The following LY96 variants were observed in gnomAD, a reference collection of about 807,000 sequenced individuals.
The protein encoded by LY96 is lymphocyte antigen 96.
In LY96, 18 loss-of-function variants were observed where a neutral mutation model predicts 18.9. The observed-to-expected ratio is 0.95, with a 90% CI of 0.66 to 1.41. The LOEUF (loss-of-function observed/expected upper bound fraction) is 1.41, where lower values mean the gene tolerates loss of function less well. Ranked by LOEUF, LY96 falls within the 40% of genes most tolerant of loss-of-function variation. The pLI, the probability that LY96 is intolerant of heterozygous loss-of-function variation, is 0.00. For missense variants in LY96, 175 were observed against 182.4 expected, an observed-to-expected ratio of 0.96 and a Z score of 0.23; for synonymous variants, 66 against 62.6, an observed-to-expected ratio of 1.06 and a Z score of -0.26.
chr8:74,071,353 G>A, the LY96 span, among the ~76,000 whole-genome samples: 1 of 151,472 alleles, frequency 6.6e-6, no homozygotes, highest in African/African-American at 2.4e-5. Flanking sequence ...GTTCCAAATA[G>A]TTCTTCTTCT....
At chr8:74,081,066 TACTTTCTTTCTTC>T in the LY96 span, among the ~76,000 whole-genome samples, 1 of 119,628 alleles carries the variant, frequency 8.4e-6, no homozygotes, top group African/African-American at 4.3e-5. Flanking sequence ...CTTTCTTTCT[TACTTTCTTTCTTC>T]TCTTTCTCTC....
the LY96 span, among the ~76,000 whole-genome samples, chr8:74,076,616 C>T: frequency 6.6e-6 from 1 of 151,836 alleles, no homozygotes; most frequent in Non-Finnish European, 1.5e-5. Flanking sequence ...TAAGTCACTG[C>T]GCCCACCCCG....
intron 2 of LY96, among the ~76,000 whole-genome samples, chr8:74,007,836 T>A (rs534329558): frequency 6.6e-6 from 1 of 152,350 alleles, no homozygotes; most frequent in East Asian, 1.9e-4. Flanking sequence ...CTCGGCGCAC[T>A]GCAGCCTTTG....
chr8:74,026,888 A>G, intron 4 of LY96, 47 bp downstream of exon 4: 2 of 935,442 alleles, frequency 2.1e-6, no homozygotes, highest in Non-Finnish European at 3.5e-6. Context: ...TAGCAGTAAT[A>G]GACATGTTAA....
rs1240726868 is a variant in LY96, at chr8:74,007,869, C to G, written c.203-2132C>G. 2.1e-4 allele frequency among the ~76,000 whole-genome samples: 32 copies of G among 152,194 alleles called. 1 individual carries two copies. The highest frequency in any genetic ancestry group is 1.9e-3 in the Admixed American group (29 of 15,286). On this transcript the variant is annotated intron_variant, in intron 2 of 4. Coordinates refer to ENST00000284818, the MANE Select transcript of LY96 (RefSeq NM_015364.5). ...TTGCCTCCTGGGTTCCAACGATTCT[C>G]CTGCCTCAGCACCCCTGGTAGCTGG...
chr8:74,034,979 T>G, the LY96 span, among the ~76,000 whole-genome samples: 3 of 152,196 alleles, frequency 2.0e-5, no homozygotes, highest in Non-Finnish European at 2.9e-5. Context: ...AGGAAGATAA[T>G]TACTGACAGG....
At chr8:74,003,634 G>A (rs1203764697) in intron 1 of LY96, among the ~76,000 whole-genome samples, 2 of 152,152 alleles carry the variant, frequency 1.3e-5, no homozygotes, top group South Asian at 2.1e-4. Context: ...ACAAGAATCT[G>A]TAAACTCATA....
the LY96 span, among the ~76,000 whole-genome samples, chr8:74,082,488 T>C: frequency 6.6e-6 from 1 of 152,208 alleles, no homozygotes; most frequent in African/African-American, 2.4e-5. Flanking sequence ...TTTGAAGTTA[T>C]TTAAACACTT....
chr8:73,998,024 C>T (rs993046742), intron 1 of LY96, among the ~76,000 whole-genome samples: 20 of 152,274 alleles, frequency 1.3e-4, no homozygotes, highest in African/African-American at 4.6e-4. Context: ...TGTAGCCCTT[C>T]TCCCCTTCCT....
At chr8:74,024,986 C>CTGG (rs1816839667) in intron 3 of LY96, among the ~76,000 whole-genome samples, 2 of 152,068 alleles carry the variant, frequency 1.3e-5, no homozygotes, top group African/African-American at 2.4e-5. Context: ...TGCACCACAC[C>CTGG]CATCTTTCTT....
At chr8:74,004,349 A>G (rs1389944476) in intron 1 of LY96, among the ~76,000 whole-genome samples, 3 of 152,150 alleles carry the variant, frequency 2.0e-5, no homozygotes, top group Non-Finnish European at 2.9e-5. Context: ...AGCCCTCGTG[A>G]AAAAGTTGGT....
At chr8:74,041,134 T>C in the LY96 span, among the ~76,000 whole-genome samples, 2 of 152,188 alleles carry the variant, frequency 1.3e-5, no homozygotes, top group African/African-American at 4.8e-5. Context: ...TCCCAAATAA[T>C]ACTTTTATAA....
intron 3 of LY96, among the ~76,000 whole-genome samples, chr8:74,017,219 G>C (rs1364822791): frequency 6.6e-6 from 1 of 152,178 alleles, no homozygotes; most frequent in Admixed American, 6.6e-5. Flanking sequence ...TGACCTGATG[G>C]AGATGAAAAG....
chr8:74,008,999 A>C (rs1816472290), intron 2 of LY96, among the ~76,000 whole-genome samples: 1 of 152,168 alleles, frequency 6.6e-6, no homozygotes, highest in African/African-American at 2.4e-5. Context: ...AAGTTAGAAA[A>C]GTTGTCTTTT....
the LY96 span, among the ~76,000 whole-genome samples, chr8:74,092,263 A>G: frequency 1.3e-5 from 2 of 152,336 alleles, no homozygotes; most frequent in South Asian, 4.1e-4. Flanking sequence ...TCAGAGAAGC[A>G]TAAGTTTTTC....
At chr8:74,042,256 C>T in the LY96 span, among the ~76,000 whole-genome samples, 2 of 152,240 alleles carry the variant, frequency 1.3e-5, no homozygotes, top group South Asian at 2.1e-4. Flanking sequence ...CACAGAGGCT[C>T]ACGCCTGTAA....
the LY96 span, among the ~76,000 whole-genome samples, chr8:74,048,351 TC>T: frequency 6.6e-6 from 1 of 151,358 alleles, no homozygotes; most frequent in Non-Finnish European, 1.5e-5. Context: ...AACCTCCACC[TC>T]CCAGGTTCAA....
At chr8:74,065,305 C>T in the LY96 span, among the ~76,000 whole-genome samples, 1 of 152,120 alleles carries the variant, frequency 6.6e-6, no homozygotes, top group Non-Finnish European at 1.5e-5. Flanking sequence ...GAGACTGTTT[C>T]CCAGGTTGCG....
chr8:74,086,990 T>C, the LY96 span, among the ~76,000 whole-genome samples: 1 of 152,242 alleles, frequency 6.6e-6, no homozygotes, highest in Non-Finnish European at 1.5e-5. Context: ...GCAGCCCATA[T>C]GGACTAAGTC....
Sources: allele counts gnomAD v4.1 joint callset (sites outside exome capture counted in the v4.1 genomes callset), GRCh38; gene constraint gnomAD v4.1.1; transcripts MANE v1.5; gene names NCBI Gene and HGNC (gene_info 2026-07-23, HGNC 2026-07-21).